The following VPS13B variants were observed in gnomAD, a reference collection of about 807,000 sequenced individuals.
VPS13B encodes vacuolar protein sorting 13 homolog B, also known as intermembrane lipid transfer protein VPS13B.
A neutral mutation model predicts 426.4 loss-of-function variants in VPS13B; 285 were observed. The observed-to-expected ratio is 0.67, with a 90% CI of 0.61 to 0.74. VPS13B has a LOEUF of 0.74. VPS13B is among the 30% of genes least tolerant of loss of function. The probability of loss-of-function intolerance (pLI) is 0.00; values close to 1 mark genes in which losing one functional copy is unlikely to be tolerated. For missense variants in VPS13B, 4,537 were observed against 4,782.6 expected (o/e 0.95, Z 1.51); for synonymous variants, 1,676 against 1,676.4 (o/e 1.00, Z 0.01).
chr8:99,042,213 T>G (rs562769514), intron 3 of VPS13B, among the ~76,000 whole-genome samples: 7 of 152,282 alleles, frequency 4.6e-5, no homozygotes, highest in Non-Finnish European at 5.9e-5. Context: ...GGAGAAATAC[T>G]TGTAGTTTCA....
At chr8:99,117,214 A>T (rs561970489) in intron 7 of VPS13B, among the ~76,000 whole-genome samples, 2 of 152,304 alleles carry the variant, frequency 1.3e-5, no homozygotes, top group African/African-American at 4.8e-5. Context: ...GTAAACAAAT[A>T]GCAAACAAGC....
At chr8:99,243,039 C>T (rs1172499420) in intron 17 of VPS13B, among the ~76,000 whole-genome samples, 1 of 152,096 alleles carries the variant, frequency 6.6e-6, no homozygotes, top group Non-Finnish European at 1.5e-5. Flanking sequence ...TAAATTTTGA[C>T]TAAATCCCGG....
chr8:99,471,408 T>C (rs1719117144), intron 24 of VPS13B, among the ~76,000 whole-genome samples: 1 of 152,156 alleles, frequency 6.6e-6, no homozygotes, highest in South Asian at 2.1e-4. Flanking sequence ...TTGCCAAGTT[T>C]CTACATATCA....
chr8:99,104,647 A>G (rs1846947021), intron 5 of VPS13B, among the ~76,000 whole-genome samples: 3 of 150,276 alleles, frequency 2.0e-5, no homozygotes, highest in Non-Finnish European at 4.4e-5. Flanking sequence ...TTTTTGAGAA[A>G]GGGTCTCATT....
chr8:99,181,637 A>G (rs1812952253), intron 16 of VPS13B, among the ~76,000 whole-genome samples: 1 of 152,216 alleles, frequency 6.6e-6, no homozygotes, highest in African/African-American at 2.4e-5. Flanking sequence ...TATGCAAGTT[A>G]GCTGTGATTA....
intron 17 of VPS13B, among the ~76,000 whole-genome samples, chr8:99,196,066 T>A (rs1385707636): frequency 6.6e-6 from 1 of 152,172 alleles, no homozygotes; most frequent in Non-Finnish European, 1.5e-5. Flanking sequence ...ATTTAAGGAT[T>A]TTTTTACTGT....
At chr8:99,360,120 ATCTTTCTTTCTTTCTTTCTTTCTTTCTT>A (rs772269369) in intron 19 of VPS13B, among the ~76,000 whole-genome samples, 7 of 62,344 alleles carry the variant, frequency 1.1e-4, no homozygotes, top group Admixed American at 5.0e-4. Flanking sequence ...TTTTTTCCTT[ATCTTTCTTTCTTTCTTTCTTTCTTTCTT>A]TCTTTCTTTC....
intron 34 of VPS13B, among the ~76,000 whole-genome samples, chr8:99,644,248 G>A (rs1829489257): frequency 6.6e-6 from 1 of 152,120 alleles, no homozygotes; most frequent in Non-Finnish European, 1.5e-5. Flanking sequence ...ACTGAGGCAA[G>A]CCAGGGACCA....
At chr8:99,549,930 C>A (rs1471218942) in intron 30 of VPS13B, among the ~76,000 whole-genome samples, 2 of 152,072 alleles carry the variant, frequency 1.3e-5, no homozygotes, top group African/African-American at 4.8e-5. Flanking sequence ...CTTTCCTGGG[C>A]CTCCCAAGTC....
At chr8:99,510,112 C>T (rs763609244) in intron 28 of VPS13B, among the ~76,000 whole-genome samples, 4 of 152,082 alleles carry the variant, frequency 2.6e-5, no homozygotes, top group African/African-American at 4.8e-5. Flanking sequence ...ATAAAAAATG[C>T]GTTAGCTATT....
At chr8:99,026,252 C>T (rs1247452902) in intron 2 of VPS13B, among the ~76,000 whole-genome samples, 1 of 151,952 alleles carries the variant, frequency 6.6e-6, no homozygotes, top group African/African-American at 2.4e-5. Flanking sequence ...TTTTATTGAT[C>T]CATTGGTTGT....
At position 99,717,277 on chromosome 8, in the gene VPS13B, CA is replaced by C; in HGVS notation, c.6563del (p.Asn2188IlefsTer26). ...TGATAGGACCATGTTGTGCTACTGC[CA>C]ATCTGGAAGCTAAGTGGTGTAAACA... ...ILIGPCCATA[N>X]LEAKWCKHSG... On this transcript the variant is annotated frameshift_variant, in exon 37 of 62. Coordinates refer to ENST00000357162, the MANE Select transcript of VPS13B (RefSeq NM_152564.5). LOFTEE classifies it high-confidence loss of function. The C allele has an allele frequency of 3.1e-6, 5 of 1,613,962 alleles. No homozygotes were observed. Among genetic ancestry groups the C allele is most frequent in the Non-Finnish European group, 4.2e-6 (5 of 1,179,958 alleles).
chr8:99,087,400 C>T lies in VPS13B; in HGVS notation c.292-8912C>T, dbSNP rs190286872. ...AAAGGGAATTCCCTGACCCCTTGCA[C>T]TTCCAGGGTGAGGCAGTGCCTCACC... On this transcript the variant is annotated intron_variant, in intron 3 of 61. Transcript: ENST00000357162. Among the ~76,000 whole-genome samples the T allele has an allele frequency of 6.3e-3, 961 of 152,256 alleles. 8 individuals carry two copies. Among genetic ancestry groups the T allele is most frequent in the African/African-American group, 0.022 (901 of 41,556 alleles).
At chr8:99,528,429 T>G (rs1490986137) in intron 30 of VPS13B, among the ~76,000 whole-genome samples, 1 of 152,092 alleles carries the variant, frequency 6.6e-6, no homozygotes, top group African/African-American at 2.4e-5. Flanking sequence ...ATAGTAGATA[T>G]ATATTTTTGA....
At chr8:99,054,263 C>T (rs974764178) in intron 3 of VPS13B, among the ~76,000 whole-genome samples, 21 of 152,174 alleles carry the variant, frequency 1.4e-4, no homozygotes, top group Admixed American at 1.2e-3. Context: ...CTGTTTTCTA[C>T]AGTGGCTGTA....
chr8:99,257,754 T>C (rs1178318199), intron 17 of VPS13B, among the ~76,000 whole-genome samples: 1 of 152,108 alleles, frequency 6.6e-6, no homozygotes, highest in Non-Finnish European at 1.5e-5. Flanking sequence ...CTGTGTAGTA[T>C]TTTTAAATGA....
intron 33 of VPS13B, among the ~76,000 whole-genome samples, chr8:99,603,417 T>A (rs1827417311): frequency 6.6e-6 from 1 of 152,200 alleles, no homozygotes; most frequent in Non-Finnish European, 1.5e-5. Flanking sequence ...AGATTAACAG[T>A]AACTAATAAT....
chr8:99,260,282 G>A (rs577253860), intron 17 of VPS13B, among the ~76,000 whole-genome samples: 1 of 152,208 alleles, frequency 6.6e-6, no homozygotes, highest in African/African-American at 2.4e-5. Flanking sequence ...AAGTGGGAGA[G>A]AAGCAATATT....
intron 19 of VPS13B, among the ~76,000 whole-genome samples, chr8:99,339,340 A>G (rs3134179): frequency 0.73 from 111,313 of 151,562 alleles, 41,628 homozygotes; most frequent in South Asian, 0.87. Flanking sequence ...ACTTCTAGGG[A>G]GGCCTCAGGA....
Sources: gnomAD v4.1 joint callset for allele counts (sites outside exome capture counted in the v4.1 genomes callset) on GRCh38, gnomAD v4.1.1 for gene constraint, MANE v1.5 for transcripts, NCBI Gene and HGNC (gene_info 2026-07-23, HGNC 2026-07-21) for gene names.